ZNF827: variants seen among roughly 807,000 people sequenced by gnomAD.
ZNF827 encodes the protein zinc finger protein 827.
In ZNF827, 13 loss-of-function variants were observed where a neutral mutation model predicts 102.4. The ratio of observed to expected loss-of-function variants is 0.13; its 90% CI spans 0.08 to 0.20. The LOEUF (loss-of-function observed/expected upper bound fraction) is 0.20. Among genes scored for constraint, ZNF827 ranks in the 10% least tolerant of loss-of-function variants. The pLI is 1.00. For synonymous variants in ZNF827, 523 were observed against 536.2 expected (o/e 0.98, Z 0.34); for missense variants, 1,103 against 1,344.4 (o/e 0.82, Z 2.81).
chr4:145,937,996 C>G (rs1754351143), intron 1 of ZNF827, among the ~76,000 whole-genome samples: 1 of 150,098 alleles, frequency 6.7e-6, no homozygotes, highest in African/African-American at 2.5e-5. Flanking sequence ...ACCAAACCCC[C>G]GATAAAACCC....
At chr4:145,779,680 C>A (rs1190568811) in intron 8 of ZNF827, among the ~76,000 whole-genome samples, 169 bp from the exon 9 acceptor site, 1 of 152,196 alleles carries the variant, frequency 6.6e-6, no homozygotes, top group African/African-American at 2.4e-5. Flanking sequence ...CTAAGAAGGC[C>A]GTTCTTGAAA....
At chr4:145,906,124 C>T (rs922846769) in intron 1 of ZNF827, among the ~76,000 whole-genome samples, 2 of 152,218 alleles carry the variant, frequency 1.3e-5, no homozygotes, top group Non-Finnish European at 2.9e-5. Flanking sequence ...CACACGACCA[C>T]GTAGAGCTAA....
At position 145,826,566 on chromosome 4, in the gene ZNF827, C is replaced by G. The variant is rs1454598928; in HGVS notation, c.2280-3041G>C. On this transcript the variant is annotated intron_variant, in intron 7 of 14. Coordinates refer to ENST00000508784, the MANE Select transcript of ZNF827 (RefSeq NM_001306215.2). ...AGACCACATTCACATAACTCTTAAT[C>G]CAGAATAAGAATAATGTTACACAGA... 2.0e-5 allele frequency among the ~76,000 whole-genome samples: 3 copies of G among 152,246 alleles called. No homozygotes were observed. In the East Asian group the frequency reaches 5.8e-4, roughly 29 times the overall value.
intron 6 of ZNF827, among the ~76,000 whole-genome samples, chr4:145,847,323 A>G (rs1746093849): frequency 6.6e-6 from 1 of 152,174 alleles, no homozygotes; most frequent in Non-Finnish European, 1.5e-5. Context: ...TTTCCACTGT[A>G]TCTTTCCCCA....
At chr4:145,878,597 CAGGACAGGAAAGGAAAGGAAAGGAA>C (rs1171613748) in intron 4 of ZNF827, among the ~76,000 whole-genome samples, 3 of 111,246 alleles carry the variant, frequency 2.7e-5, no homozygotes, top group South Asian at 2.9e-4. Context: ...CAGGACAGGA[CAGGACAGGAAAGGAAAGGAAAGGAA>C]AGGAAAGGAA....
chr4:145,896,981 A>T (rs1279947430), intron 2 of ZNF827, among the ~76,000 whole-genome samples: 1 of 152,254 alleles, frequency 6.6e-6, no homozygotes, highest in Non-Finnish European at 1.5e-5. Flanking sequence ...TAATAAACAG[A>T]GTTTTAAAAC....
In ZNF827 at chr4:145,885,610, C is replaced by CAGAGAGAGAGAGAG. The variant is rs200461563; in HGVS notation, c.1747+54_1747+67dup. ...AAATAAGAATACTGGTAGACAGAGACAGAGAGAGAGAGAGAGAGAGAGAGA... is the reference window on the plus strand; with the variant it reads ...AAATAAGAATACTGGTAGACAGAGACAGAGAGAGAGAGAGAGAGAGAGAGAGAGAGAGAGAGAGA... On this transcript the variant is annotated intron_variant, in intron 4 of 14. Coordinates refer to ENST00000508784, the MANE Select transcript of ZNF827 (RefSeq NM_001306215.2). 1.1e-5 allele frequency: 13 copies of CAGAGAGAGAGAGAG among 1,174,844 alleles called. No homozygotes were observed. The East Asian group carries it at 1.4e-4, about 13-fold the overall frequency. The allele number at this position is 1,174,844 out of a possible 1,614,324, so 72.8% of individuals were successfully genotyped here.
At chr4:145,774,909 A>C (rs1264884820) in intron 10 of ZNF827, among the ~76,000 whole-genome samples, 1 of 152,248 alleles carries the variant, frequency 6.6e-6, no homozygotes, top group East Asian at 1.9e-4. Context: ...TATGTGTTAT[A>C]ATGATGCTAA....
chr4:145,862,750 A>G (rs1016136828), intron 5 of ZNF827, among the ~76,000 whole-genome samples: 1 of 152,254 alleles, frequency 6.6e-6, no homozygotes, highest in African/African-American at 2.4e-5. Context: ...CACAGGCTTT[A>G]TATCTCTGAA....
At chr4:145,887,518 T>A (rs1279776827) in intron 3 of ZNF827, among the ~76,000 whole-genome samples, 2 of 152,038 alleles carry the variant, frequency 1.3e-5, no homozygotes, top group African/African-American at 2.4e-5. Context: ...AGATTCTGGG[T>A]CCCCCAAAGC....
At chr4:145,807,087 A>T (rs1020328811) in intron 8 of ZNF827, among the ~76,000 whole-genome samples, 1 of 152,176 alleles carries the variant, frequency 6.6e-6, no homozygotes, top group African/African-American at 2.4e-5. Flanking sequence ...AATAACTTAC[A>T]GGATGTGTAA....
rs536671508 is a variant in ZNF827 at position 145,799,886 on chromosome 4, T to A, written c.2384-20375A>T. Among the ~76,000 whole-genome samples the A allele has an allele frequency of 3.9e-5, 6 of 152,252 alleles. No homozygotes were observed. The East Asian group carries it at 1.2e-3, about 29-fold the overall frequency. On this transcript the variant is annotated intron_variant, in intron 8 of 14. Coordinates refer to ENST00000508784, the MANE Select transcript of ZNF827 (RefSeq NM_001306215.2). ...AAGATGTAAGCCAAGAATGGCAGGA[T>A]AACAAGAGAGAAGGAGCCTTAGAGC... is the stretch of plus-strand genomic sequence containing the variant.
chr4:145,864,771 T>C (rs990504155), intron 5 of ZNF827, among the ~76,000 whole-genome samples: 1 of 152,174 alleles, frequency 6.6e-6, no homozygotes, highest in Non-Finnish European at 1.5e-5. Context: ...ATTTAGCCTT[T>C]TATGGAAGCA....
At chr4:145,929,742 A>G (rs1753671094) in intron 1 of ZNF827, among the ~76,000 whole-genome samples, 1 of 152,254 alleles carries the variant, frequency 6.6e-6, no homozygotes, top group Admixed American at 6.5e-5. Context: ...CACCTTTCAC[A>G]TACTTAATAA....
intron 1 of ZNF827, among the ~76,000 whole-genome samples, chr4:145,935,035 CCT>C (rs1754060288): frequency 2.0e-5 from 3 of 152,174 alleles, no homozygotes; most frequent in East Asian, 1.9e-4. Context: ...CAGTTTTGCC[CCT>C]CTCATTCCTT....
At position 145,765,464 on chromosome 4, in the gene ZNF827, C is replaced by T. The variant is rs1042661837; in HGVS notation, c.3052+83G>A. 1.2e-5 allele frequency: 17 copies of T among 1,469,890 alleles called. No individual in the cohort carries two copies. Among genetic ancestry groups the T allele is most frequent in the South Asian group, 4.2e-5 (3 of 71,580 alleles). 91.1% of individuals were successfully genotyped at this position (1,469,890 alleles called of 1,614,324 possible). ...TGGGCCTATTATCAGTTTTTGACATCGCTCCTGTGCAGGGCTTATTCTCAA... is the reference window on the plus strand; with the variant it reads ...TGGGCCTATTATCAGTTTTTGACATTGCTCCTGTGCAGGGCTTATTCTCAA... On this transcript the variant is annotated intron_variant, in intron 12 of 14. Transcript: ENST00000508784. The surrounding 1 kb of genome is among the most constrained non-coding windows in gnomAD (Gnocchi z 4.7).
At chr4:145,804,149 A>G (rs550229216) in intron 8 of ZNF827, among the ~76,000 whole-genome samples, 1 of 152,358 alleles carries the variant, frequency 6.6e-6, no homozygotes, top group Non-Finnish European at 1.5e-5. Context: ...ATGCGTGTGT[A>G]CACACAGAAG....
chr4:145,938,410 T>C lies in ZNF827; in HGVS notation c.-3A>G, dbSNP rs770583738. On this transcript the variant is annotated 5_prime_UTR_variant, in exon 1 of 15. Transcript: ENST00000508784. The stretch of plus-strand genomic sequence containing the variant: ...TGCTCCTGCTTCCTCCTGGGCATTT[T>C]CCCCCTTTTCTCACATTCTCCTCCT... 7 of 1,611,034 alleles carry C rather than the reference T, an allele frequency of 4.3e-6. No homozygotes were observed. The highest frequency in any genetic ancestry group is 1.3e-5 in the African/African-American group (1 of 74,338).
intron 8 of ZNF827, among the ~76,000 whole-genome samples, chr4:145,813,658 A>C (rs1483680394): frequency 6.6e-6 from 1 of 152,224 alleles, no homozygotes; most frequent in African/African-American, 2.4e-5. Context: ...CCCGTATTAT[A>C]ATCAGTCTTA....
Sources: allele counts gnomAD v4.1 joint callset (sites outside exome capture counted in the v4.1 genomes callset), GRCh38; gene constraint gnomAD v4.1.1; non-coding constraint Gnocchi (gnomAD v3.1); transcripts MANE v1.5; gene names NCBI Gene and HGNC (gene_info 2026-07-23, HGNC 2026-07-21).